Variants in NR4A1 observed in about 807,000 individuals in gnomAD.
NR4A1 encodes nuclear receptor subfamily 4 group A member 1, also known as nuclear receptor subfamily 4immunitygroup A member 1.
NR4A1 carries 24 observed loss-of-function variants against 47.5 expected under a neutral mutation model. The observed-to-expected ratio is 0.50, with a 90% CI of 0.37 to 0.71. The LOEUF is 0.71. Among genes scored for constraint, NR4A1 ranks in the 30% least tolerant of loss-of-function variants. The pLI is 0.00. For synonymous variants in NR4A1, 353 were observed against 345.7 expected (o/e 1.02, Z -0.24); for missense variants, 669 against 788.6 (o/e 0.85, Z 1.82).
Position 52,057,460 on chromosome 12 carries a change from A to G in NR4A1, c.1470A>G (p.Ser490=). Reference sequence around the variant, plus strand: ...GGATTGACAGTATCCTGGCCTTCTCAAGGTCCCTGCACAGCTTGCTTGTCG... The same window carrying G: ...GGATTGACAGTATCCTGGCCTTCTCGAGGTCCCTGCACAGCTTGCTTGTCG... ...GDWIDSILAF[S]RSLHSLLVDV... Residue 490 remains serine, a synonymous_variant, in exon 6 of 7, where the codon TCA becomes TCG. Transcript: ENST00000394825. 3 of 1,614,192 alleles carry G rather than the reference A, an allele frequency of 1.9e-6. No individual in the cohort carries two copies. The highest frequency in any genetic ancestry group is 2.5e-6 in the Non-Finnish European group (3 of 1,180,046).
chr12:52,031,744 C>G (rs1258672804), intron 1 of NR4A1, among the ~76,000 whole-genome samples: 3 of 151,904 alleles, frequency 2.0e-5, no homozygotes, highest in African/African-American at 7.3e-5. Flanking sequence ...CTGACATCCT[C>G]CATTTCATTT....
rs188847442 is a variant in NR4A1 at position 52,059,215 on chromosome 12, C to T, written c.*271C>T. On this transcript the variant is annotated 3_prime_UTR_variant, in exon 7 of 7. Transcript: ENST00000394825. ...ATAAACCGTTTTTAACACATAGCGCCGTGCTGTAAATAAGCCCAGTGCTGC... is the reference window on the plus strand; with the variant it reads ...ATAAACCGTTTTTAACACATAGCGCTGTGCTGTAAATAAGCCCAGTGCTGC... 2.6e-5 allele frequency: 12 copies of T among 457,056 alleles called. No homozygotes were observed. The highest frequency in any genetic ancestry group is 5.7e-4 in the Middle Eastern group (1 of 1,768). The allele number at this position is 457,056 out of a possible 1,614,324, so 28.3% of individuals were successfully genotyped here.
intron 2 of NR4A1, among the ~76,000 whole-genome samples, chr12:52,043,021 A>G (rs1938496342): frequency 6.6e-6 from 1 of 151,776 alleles, no homozygotes; most frequent in Non-Finnish European, 1.5e-5. Context: ...AGCCCCAGAG[A>G]GGTGGCTGGG....
chr12:52,035,319 G>A (rs1938212693), intron 1 of NR4A1, among the ~76,000 whole-genome samples: 1 of 152,182 alleles, frequency 6.6e-6, no homozygotes. Context: ...GACAAGTTAT[G>A]CTAAAAGTAT....
upstream of NR4A1, among the ~76,000 whole-genome samples, chr12:52,049,348 C>A (rs1339585065): frequency 6.6e-6 from 1 of 152,240 alleles, no homozygotes; most frequent in African/African-American, 2.4e-5. Context: ...TGTATGAAGA[C>A]TGCTCCATCT....
intron 1 of NR4A1, among the ~76,000 whole-genome samples, chr12:52,036,039 T>C (rs2120939889): frequency 1.3e-5 from 2 of 152,274 alleles, no homozygotes; most frequent in Non-Finnish European, 2.9e-5. Context: ...CTAATGGGTG[T>C]TCCCCAATGA....
upstream of NR4A1, among the ~76,000 whole-genome samples, chr12:52,050,382 T>G (rs1938863622): frequency 1.3e-5 from 2 of 152,170 alleles, no homozygotes; most frequent in Admixed American, 1.3e-4. Context: ...TCCCTAGAGA[T>G]GCAGTCTGTG....
intron 1 of NR4A1, chr12:52,052,428 C>T: frequency 1.0e-6 from 1 of 964,056 alleles, no homozygotes; most frequent in Non-Finnish European, 1.2e-6. Flanking sequence ...TACCTCCCAA[C>T]CATTCCAGCT....
At chr12:52,051,403 T>A, upstream of NR4A1, 7 of 985,490 alleles carry the variant, frequency 7.1e-6, no homozygotes, top group Non-Finnish European at 7.2e-6. Flanking sequence ...TCCCCGTGCG[T>A]CACGGAGCGC....
At chr12:52,028,866 G>T (rs1938057489) in intron 1 of NR4A1, among the ~76,000 whole-genome samples, 1 of 152,132 alleles carries the variant, frequency 6.6e-6, no homozygotes, top group South Asian at 2.1e-4. Flanking sequence ...TGGTGCCACT[G>T]CACTCCAGCC....
intron 6 of NR4A1, chr12:52,058,368 C>T (rs1297224589): frequency 1.2e-5 from 4 of 341,050 alleles, no homozygotes; most frequent in Non-Finnish European, 2.1e-5. Flanking sequence ...GGCTGGGTTT[C>T]TCAGAACAGT....
At chr12:52,040,115 G>A (rs1469203921) in intron 1 of NR4A1, among the ~76,000 whole-genome samples, 2 of 152,146 alleles carry the variant, frequency 1.3e-5, no homozygotes, top group Admixed American at 6.5e-5. Flanking sequence ...ATCAGCTCCT[G>A]GGGCTCTGGG....
chr12:52,044,009 G>C, intron 2 of NR4A1: 1 of 1,097,690 alleles, frequency 9.1e-7, no homozygotes, highest in Admixed American at 2.4e-5. Context: ...CTTGGGCTGC[G>C]GGGAGGAAGC....
intron 1 of NR4A1, among the ~76,000 whole-genome samples, chr12:52,052,302 TGTGAGAGAGA>T (rs1565649734): frequency 4.8e-5 from 5 of 103,788 alleles, no homozygotes; most frequent in South Asian, 6.4e-4. Flanking sequence ...TGTGTGTGTG[TGTGAGAGAGA>T]GAGAGAGAGA....
upstream of NR4A1, among the ~76,000 whole-genome samples, chr12:52,048,085 C>A (rs775044067): frequency 4.0e-5 from 6 of 151,188 alleles, no homozygotes; most frequent in African/African-American, 1.5e-4. Flanking sequence ...ACCTGGGAGG[C>A]GGAGCTTGCA....
chr12:52,037,979 G>C (rs1427288945), intron 1 of NR4A1: 1 of 984,784 alleles, frequency 1.0e-6, no homozygotes, highest in African/African-American at 1.8e-5. Flanking sequence ...GGGGTGGTCT[G>C]TATTTCCAGA....
At chr12:52,056,317 C>T (rs1939269943) in intron 3 of NR4A1, 158 bp downstream of exon 3, 2 of 1,356,498 alleles carry the variant, frequency 1.5e-6, no homozygotes, top group Admixed American at 2.4e-5. Flanking sequence ...GCAGCCTACA[C>T]CTGCCTGGAT....
At position 52,051,490 on chromosome 12, in the gene NR4A1, T is replaced by A. The variant is rs1233174657; in HGVS notation, c.-81T>A. The A allele has an allele frequency of 1.0e-6, 1 of 985,580 alleles. No homozygotes were observed. The allele number at this position is 985,580 out of a possible 1,614,324, so 61.1% of individuals were successfully genotyped here. A position where few individuals can be genotyped will look rare whatever the true frequency, so the allele number is the denominator to read the frequency against. ...AACTTGGGGGAGTGCACAGAAGAACTTCGGGAGCGCACGCGGGACCAGGGA... is the reference window on the plus strand; with the variant it reads ...AACTTGGGGGAGTGCACAGAAGAACATCGGGAGCGCACGCGGGACCAGGGA... On this transcript the variant is annotated 5_prime_UTR_variant, in exon 1 of 7. Coordinates refer to ENST00000394825, the MANE Select transcript of NR4A1 (RefSeq NM_173157.3).
chr12:52,052,581 T>C, intron 1 of NR4A1: 1 of 985,704 alleles, frequency 1.0e-6, no homozygotes, highest in Non-Finnish European at 1.2e-6. Flanking sequence ...TTCTCCCCAC[T>C]GCCTCCTTCA....
Sources: gnomAD v4.1 joint callset for allele counts (sites outside exome capture counted in the v4.1 genomes callset) on GRCh38, gnomAD v4.1.1 for gene constraint, MANE v1.5 for transcripts, NCBI Gene and HGNC (gene_info 2026-07-23, HGNC 2026-07-21) for gene names.